PTPRN2: variants seen among roughly 807,000 people sequenced by gnomAD.
PTPRN2 encodes the protein receptor-type tyrosine-protein phosphatase N2.
In PTPRN2, 74 loss-of-function variants were observed where a neutral mutation model predicts 118.8. The observed-to-expected ratio is 0.62, with a 90% CI of 0.52 to 0.76. The LOEUF (loss-of-function observed/expected upper bound fraction) is 0.76. Ranked by LOEUF, PTPRN2 falls within the 30% of genes least tolerant of loss-of-function variation. PTPRN2 has a pLI of 0.00. For missense variants in PTPRN2, 1,481 were observed against 1,394.4 expected (o/e 1.06, Z -0.99); for synonymous variants, 641 against 608.0 (o/e 1.05, Z -0.80).
At chr7:158,112,771 G>T (rs553024763) in intron 9 of PTPRN2, among the ~76,000 whole-genome samples, 1 of 151,524 alleles carries the variant, frequency 6.6e-6, no homozygotes. Context: ...GCATCCATGT[G>T]TGCAGAGGTC....
At chr7:157,555,704 A>C (rs187365435) in intron 21 of PTPRN2, among the ~76,000 whole-genome samples, 4 of 152,238 alleles carry the variant, frequency 2.6e-5, no homozygotes, top group African/African-American at 7.2e-5. Context: ...TTTTCTTGAA[A>C]GTAAAAACGA....
At chr7:157,565,918 T>A (rs1160077834) in intron 21 of PTPRN2, among the ~76,000 whole-genome samples, 1 of 152,212 alleles carries the variant, frequency 6.6e-6, no homozygotes, top group Non-Finnish European at 1.5e-5. Flanking sequence ...CTTCCCAGAT[T>A]GGTGCCTACT....
intron 12 of PTPRN2, among the ~76,000 whole-genome samples, chr7:157,800,597 TA>T (rs1480949585): frequency 6.6e-6 from 1 of 152,228 alleles, no homozygotes; most frequent in Non-Finnish European, 1.5e-5. Flanking sequence ...CTTGTTCACT[TA>T]AAATTTAATC....
chr7:158,007,558 G>C (rs12698119), intron 11 of PTPRN2, among the ~76,000 whole-genome samples: 284 of 152,074 alleles, frequency 1.9e-3, no homozygotes, highest in Non-Finnish European at 2.4e-3. Flanking sequence ...GACGATGGCC[G>C]GTGGTGATGA....
intron 2 of PTPRN2, among the ~76,000 whole-genome samples, chr7:158,459,344 A>G (rs77347538): frequency 0.54 from 55,794 of 103,982 alleles, 13,734 homozygotes; most frequent in Non-Finnish European, 0.55. Context: ...TGGGACGAAC[A>G]GGCTCCAGAA....
At chr7:158,107,461 C>T (rs780182471) in intron 10 of PTPRN2, among the ~76,000 whole-genome samples, 6 of 151,928 alleles carry the variant, frequency 3.9e-5, no homozygotes, top group Admixed American at 1.3e-4. Flanking sequence ...CCTGCCCACC[C>T]GCCACCTCCA....
chr7:157,961,336 A>C (rs1388580119), intron 11 of PTPRN2, among the ~76,000 whole-genome samples: 1 of 152,158 alleles, frequency 6.6e-6, no homozygotes, highest in Non-Finnish European at 1.5e-5. Flanking sequence ...GTTCGAGACC[A>C]GCCTGGCCAA....
chr7:157,864,942 C>G (rs1470445418), intron 12 of PTPRN2: 1 of 152,284 alleles, frequency 6.6e-6, no homozygotes, highest in Non-Finnish European at 1.5e-5. Context: ...GGGCTCACAG[C>G]TGGCAGGCAC....
intron 12 of PTPRN2, among the ~76,000 whole-genome samples, chr7:157,822,931 C>G (rs1374537191): frequency 6.6e-6 from 1 of 152,118 alleles, no homozygotes; most frequent in East Asian, 1.9e-4. Flanking sequence ...ATCCATTTAT[C>G]TATATACTAT....
intron 2 of PTPRN2, among the ~76,000 whole-genome samples, chr7:158,418,474 T>C (rs1814957035): frequency 6.6e-6 from 1 of 151,634 alleles, no homozygotes; most frequent in Non-Finnish European, 1.5e-5. Context: ...AGTCATGGTG[T>C]ACTACATCGA....
chr7:158,266,728 G>A (rs560138715), intron 3 of PTPRN2, among the ~76,000 whole-genome samples: 9 of 152,244 alleles, frequency 5.9e-5, no homozygotes, highest in Admixed American at 3.3e-4. Flanking sequence ...GCAGAGAGAT[G>A]AGAGTTCTGT....
intron 12 of PTPRN2, among the ~76,000 whole-genome samples, chr7:157,749,790 C>T (rs1275703413): frequency 2.0e-4 from 24 of 120,904 alleles, no homozygotes; most frequent in Non-Finnish European, 3.0e-4. Flanking sequence ...CTGAGGCCTG[C>T]GTCCCTCAGC....
intron 12 of PTPRN2, among the ~76,000 whole-genome samples, chr7:157,727,548 G>A (rs1468027152): frequency 6.6e-6 from 1 of 152,150 alleles, no homozygotes; most frequent in Non-Finnish European, 1.5e-5. Flanking sequence ...AGGGGTCAGT[G>A]TTTACTGGGG....
chr7:158,201,078 G>T lies in PTPRN2; in HGVS notation c.380+4093C>A, dbSNP rs527969205. ...AGTGGTTTTTTTTTTTTGAGACAGGGTCTCACTCTCTCTCCCAGGCTAGAG... is the reference window on the plus strand; with the variant it reads ...AGTGGTTTTTTTTTTTTGAGACAGGTTCTCACTCTCTCTCCCAGGCTAGAG... On this transcript the variant is annotated intron_variant, in intron 4 of 22. Coordinates refer to ENST00000389418, the MANE Select transcript of PTPRN2 (RefSeq NM_002847.5). Among the ~76,000 whole-genome samples, 74 of 151,078 alleles carry T rather than the reference G, an allele frequency of 4.9e-4. 1 individual carries two copies. In the South Asian group the frequency reaches 0.014, roughly 29 times the overall value.
intron 1 of PTPRN2, among the ~76,000 whole-genome samples, chr7:158,524,524 A>AGTC (rs201117955): frequency 0.37 from 44,219 of 119,264 alleles, 7,583 homozygotes; most frequent in East Asian, 0.58. Flanking sequence ...CCTGGAGTGG[A>AGTC]GTCTGCCCTG....
At chr7:158,097,007 C>T (rs945739306) in intron 10 of PTPRN2, among the ~76,000 whole-genome samples, 7 of 152,126 alleles carry the variant, frequency 4.6e-5, no homozygotes, top group African/African-American at 7.2e-5. Context: ...TTATAGTCAT[C>T]GAGGCCACAG....
chr7:157,860,128 G>C (rs1810118409), intron 12 of PTPRN2, among the ~76,000 whole-genome samples: 1 of 152,258 alleles, frequency 6.6e-6, no homozygotes, highest in African/African-American at 2.4e-5. Flanking sequence ...GCCTGCTATG[G>C]AGCAGCAGCC....
intron 11 of PTPRN2, among the ~76,000 whole-genome samples, chr7:157,959,656 G>A (rs956352012): frequency 6.6e-6 from 1 of 152,174 alleles, no homozygotes; most frequent in African/African-American, 2.4e-5. Flanking sequence ...CACTCCTCAG[G>A]ACGGCCATCC....
At position 158,017,861 on chromosome 7, in the gene PTPRN2, T is replaced by C. The variant is rs373358573; in HGVS notation, c.1723+63437A>G. On this transcript the variant is annotated intron_variant, in intron 11 of 22. Transcript: ENST00000389418. ...CCGAGACAGAAGCCACCTGAGGCTGTGCCCATCGGGGTCCCCTTCTTTTAA... is the reference window on the plus strand; with the variant it reads ...CCGAGACAGAAGCCACCTGAGGCTGCGCCCATCGGGGTCCCCTTCTTTTAA... 3.9e-5 allele frequency among the ~76,000 whole-genome samples: 6 copies of C among 152,288 alleles called. 1 individual carries two copies. Among genetic ancestry groups the C allele is most frequent in the African/African-American group, 1.4e-4 (6 of 41,564 alleles).
Sources: gnomAD v4.1 joint callset for allele counts (sites outside exome capture counted in the v4.1 genomes callset) on GRCh38, gnomAD v4.1.1 for gene constraint, MANE v1.5 for transcripts, NCBI Gene and HGNC (gene_info 2026-07-23, HGNC 2026-07-21) for gene names.